The following PSD3 variants were observed in gnomAD, a reference collection of about 807,000 sequenced individuals.
The protein encoded by PSD3 is pleckstrin and Sec7 domain containing 3, also known as PH and SEC7 domain-containing protein 3.
Under a neutral mutation model 105.5 loss-of-function variants are expected in PSD3, and 49 were observed. The ratio of observed to expected loss-of-function variants is 0.46; its 90% CI spans 0.37 to 0.59. The LOEUF (loss-of-function observed/expected upper bound fraction) is 0.59. Among genes scored for constraint, PSD3 ranks in the 20% least tolerant of loss-of-function variants. PSD3 has a pLI of 0.00. For missense variants in PSD3, 1,561 were observed against 1,263.8 expected, an observed-to-expected ratio of 1.24 and a Z score of -3.57; for synonymous variants, 557 against 457.8, an observed-to-expected ratio of 1.22 and a Z score of -2.77.
chr8:18,897,518 G>GT (rs1475094331), intron 2 of PSD3, among the ~76,000 whole-genome samples: 1 of 152,106 alleles, frequency 6.6e-6, no homozygotes, highest in East Asian at 1.9e-4. Context: ...TTTTAGGACT[G>GT]TTTTTTCTAT....
intron 9 of PSD3, among the ~76,000 whole-genome samples, chr8:18,713,453 T>C (rs1165465325): frequency 6.6e-6 from 1 of 152,140 alleles, no homozygotes; most frequent in Non-Finnish European, 1.5e-5. Flanking sequence ...ACAAAATCAA[T>C]GTGCAAAAAT....
intron 4 of PSD3, among the ~76,000 whole-genome samples, chr8:18,809,450 C>T (rs1586083707): frequency 6.6e-6 from 1 of 152,224 alleles, no homozygotes; most frequent in East Asian, 1.9e-4. Context: ...TTCTCACAAC[C>T]TTTTGAATCA....
chr8:18,583,472 CAT>C (rs1478282811), intron 12 of PSD3, among the ~76,000 whole-genome samples: 1 of 152,088 alleles, frequency 6.6e-6, no homozygotes, highest in Non-Finnish European at 1.5e-5. Flanking sequence ...CCATTTAAAA[CAT>C]GTGATAGCTC....
intron 1 of PSD3, among the ~76,000 whole-genome samples, chr8:19,028,046 G>T (rs1827621845): frequency 6.6e-6 from 1 of 152,104 alleles, no homozygotes; most frequent in South Asian, 2.1e-4. Flanking sequence ...TTAACACTGT[G>T]TTGCATTCCC....
chr8:18,694,688 C>A (rs2131008479), intron 9 of PSD3, among the ~76,000 whole-genome samples: 1 of 151,078 alleles, frequency 6.6e-6, no homozygotes, highest in African/African-American at 2.4e-5. Flanking sequence ...TAAAATTATT[C>A]TGATAGGCTG....
Position 18,684,805 on chromosome 8 carries a change from C to T in PSD3, c.2173-29120G>A, listed in dbSNP as rs527729736. Reference sequence around the variant, plus strand: ...AGAGTGAGAGCAATAAAGCTAACTCCGGGCAACAAGCAGCAAGCAGCTTTT... The same window carrying T: ...AGAGTGAGAGCAATAAAGCTAACTCTGGGCAACAAGCAGCAAGCAGCTTTT... On this transcript the variant is annotated intron_variant, in intron 9 of 15. Coordinates refer to ENST00000327040, the MANE Select transcript of PSD3 (RefSeq NM_015310.4). Among the ~76,000 whole-genome samples, 4 of 152,200 alleles carry T rather than the reference C, an allele frequency of 2.6e-5. No homozygotes were observed. In the South Asian group the frequency reaches 6.2e-4, roughly 24 times the overall value.
intron 2 of PSD3, among the ~76,000 whole-genome samples, chr8:18,932,505 A>G (rs1260997245): frequency 1.3e-5 from 2 of 152,218 alleles, no homozygotes; most frequent in East Asian, 3.9e-4. Context: ...ATAACTTCCA[A>G]TTACTGGCAT....
intron 14 of PSD3, among the ~76,000 whole-genome samples, chr8:18,559,517 C>T (rs2130181326): frequency 6.6e-6 from 1 of 152,118 alleles, no homozygotes; most frequent in East Asian, 1.9e-4. Flanking sequence ...CAAACTCTTT[C>T]TATTTGTGGT....
At chr8:18,649,760 A>G (rs1585499929) in intron 10 of PSD3, among the ~76,000 whole-genome samples, 1 of 152,190 alleles carries the variant, frequency 6.6e-6, no homozygotes, top group Admixed American at 6.5e-5. Context: ...TCATGGGGGA[A>G]GATTTCCCCC....
chr8:19,003,785 C>T (rs182066571), intron 1 of PSD3, among the ~76,000 whole-genome samples: 54 of 152,038 alleles, frequency 3.6e-4, no homozygotes, highest in Non-Finnish European at 5.7e-4. Flanking sequence ...TGGATCAAGA[C>T]CCAGTGCTGA....
chr8:18,749,591 G>A (rs1432517416), intron 9 of PSD3, among the ~76,000 whole-genome samples: 1 of 152,086 alleles, frequency 6.6e-6, no homozygotes, highest in Non-Finnish European at 1.5e-5. Flanking sequence ...AGATTATTCT[G>A]GATTATCTGG....
chr8:18,835,720 G>A (rs1814051092), intron 4 of PSD3, among the ~76,000 whole-genome samples: 1 of 152,210 alleles, frequency 6.6e-6, no homozygotes, highest in African/African-American at 2.4e-5. Context: ...GGGCTCTGGG[G>A]ATGAACACTT....
intron 1 of PSD3, among the ~76,000 whole-genome samples, chr8:18,942,255 TAAATTAAAGACTATA>T (rs1397733956): frequency 1.3e-5 from 2 of 152,142 alleles, no homozygotes; most frequent in African/African-American, 4.8e-5. Context: ...AATTAAACAC[TAAATTAAAGACTATA>T]AAATAATATT....
At chr8:18,757,298 CAA>C (rs373688617) in intron 9 of PSD3, among the ~76,000 whole-genome samples, 25 of 122,996 alleles carry the variant, frequency 2.0e-4, no homozygotes, top group Middle Eastern at 8.2e-3. Flanking sequence ...ACCAAAAATA[CAA>C]AAAAAAAAAA....
intron 4 of PSD3, among the ~76,000 whole-genome samples, chr8:18,811,053 CA>C (rs1432150737): frequency 1.3e-5 from 2 of 152,166 alleles, no homozygotes; most frequent in African/African-American, 2.4e-5. Flanking sequence ...ATCTAATTCC[CA>C]AAGAAATGTA....
intron 12 of PSD3, among the ~76,000 whole-genome samples, chr8:18,577,447 G>T (rs947882511): frequency 2.0e-5 from 3 of 151,790 alleles, no homozygotes; most frequent in African/African-American, 7.3e-5. Context: ...TTTTCTACTA[G>T]TTTATCCCCT....
chr8:18,840,856 T>C (rs1254737856), intron 4 of PSD3, among the ~76,000 whole-genome samples: 1 of 152,182 alleles, frequency 6.6e-6, no homozygotes, highest in African/African-American at 2.4e-5. Context: ...GGAATTCTAG[T>C]TCCAATTTCA....
At chr8:19,029,603 C>T (rs1827686060) in intron 1 of PSD3, among the ~76,000 whole-genome samples, 1 of 152,086 alleles carries the variant, frequency 6.6e-6, no homozygotes, top group South Asian at 2.1e-4. Flanking sequence ...TGTGAGAACT[C>T]AGTATCAAGA....
At chr8:18,730,931 A>C (rs996075465) in intron 9 of PSD3, among the ~76,000 whole-genome samples, 4 of 152,194 alleles carry the variant, frequency 2.6e-5, no homozygotes, top group African/African-American at 9.7e-5. Context: ...GTACCTAGCT[A>C]AGGTCGAAAG....
Sources: allele counts gnomAD v4.1 joint callset (sites outside exome capture counted in the v4.1 genomes callset), GRCh38; gene constraint gnomAD v4.1.1; transcripts MANE v1.5; gene names NCBI Gene and HGNC (gene_info 2026-07-23, HGNC 2026-07-21).